The following ZP2 variants were observed in gnomAD, a reference collection of about 807,000 sequenced individuals.
ZP2 encodes zona pellucida glycoprotein 2, also known as zona pellucida sperm-binding protein 2.
A neutral mutation model predicts 84.0 loss-of-function variants in ZP2; 51 were observed. The ratio of observed to expected loss-of-function variants is 0.61; its 90% CI spans 0.49 to 0.77. The LOEUF is 0.77. Ranked by LOEUF, ZP2 falls within the 30% of genes least tolerant of loss-of-function variation. The pLI is 0.00. For missense variants in ZP2, 909 were observed against 911.9 expected, an observed-to-expected ratio of 1.00 and a Z score of 0.04; for synonymous variants, 375 against 330.9, an observed-to-expected ratio of 1.13 and a Z score of -1.45.
chr16:21,203,367 G>T, intron 9 of ZP2, 116 bp from the exon 10 acceptor site: 1 of 1,403,238 alleles, frequency 7.1e-7, no homozygotes, highest in Non-Finnish European at 9.7e-7. Flanking sequence ...ACTTATCTGG[G>T]CTCCCTTTAA....
chr16:21,201,580 G>A, intron 13 of ZP2, 22 bp from the exon 14 acceptor site: 5 of 1,601,786 alleles, frequency 3.1e-6, no homozygotes, highest in Non-Finnish European at 4.3e-6. Flanking sequence ...TGGTATTCAA[G>A]TAGTTAATGG....
chr16:21,207,010 T>C lies in ZP2; in HGVS notation c.331-20A>G. The C allele has an allele frequency of 6.2e-7, 1 of 1,613,922 alleles. No individual in the cohort carries two copies. The highest frequency in any genetic ancestry group is 8.5e-7 in the Non-Finnish European group (1 of 1,179,946). On this transcript the variant is annotated intron_variant, in intron 4 of 18. Coordinates refer to ENST00000574091, the MANE Select transcript of ZP2 (RefSeq NM_001376232.1). The stretch of plus-strand genomic sequence containing the variant: ...ACCATGCTGTGTACAGATAGCACAG[T>C]GGGAACAGAGTAAGTACTGTACCCC...
At chr16:21,201,218 C>T in intron 14 of ZP2, 151 bp downstream of exon 14, 1 of 516,680 alleles carries the variant, frequency 1.9e-6, no homozygotes, top group South Asian at 7.0e-5. Flanking sequence ...AAAAAAAAAA[C>T]AGAAGGCAGA....
At chr16:21,204,898 C>G (rs2093242623) in intron 7 of ZP2, among the ~76,000 whole-genome samples, 1 of 152,218 alleles carries the variant, frequency 6.6e-6, no homozygotes, top group South Asian at 2.1e-4. Context: ...CAAACAGAAC[C>G]CCTTAACCCA....
chr16:21,210,877 A>AAT (rs756734410), intron 2 of ZP2, among the ~76,000 whole-genome samples: 22,108 of 133,570 alleles, frequency 0.17, 1,746 homozygotes, highest in African/African-American at 0.22. Flanking sequence ...GCCTGGCTGC[A>AAT]TTTTTTTTTT....
Position 21,209,677 on chromosome 16 carries a change from T to C in ZP2, c.284A>G (p.Glu95Gly). The change falls in exon 4 of 19, where the codon GAA becomes GGA. Residue 95 changes from glutamate to glycine, a missense_variant. Transcript: ENST00000574091. ...MPNCTYILDP[E>G]KLTLRATYDN... ...ATAGGTAGCCCTCAGGGTGAGCTTT[T>C]CTGGGTCCAGGATGTAAGTGCAGTT... The C allele has an allele frequency of 6.2e-7, 1 of 1,614,176 alleles. No homozygotes were observed.
intron 3 of ZP2, 72 bp downstream of exon 3, chr16:21,210,037 C>G (rs1420572185): frequency 1.4e-6 from 2 of 1,394,942 alleles, no homozygotes; most frequent in Non-Finnish European, 2.0e-6. Flanking sequence ...ACTCTGCTCC[C>G]CAAACAGGAT....
chr16:21,200,020 A>G, intron 14 of ZP2, 142 bp from the exon 15 acceptor site: 1 of 995,980 alleles, frequency 1.0e-6, no homozygotes, highest in Non-Finnish European at 1.5e-6. Flanking sequence ...TTTACTCAGC[A>G]TTTCTTACCT....
intron 5 of ZP2, chr16:21,206,010 T>TC (rs1398148632): frequency 1.5e-5 from 8 of 547,954 alleles, no homozygotes; most frequent in East Asian, 6.4e-5. Flanking sequence ...GACACATTTC[T>TC]CCCCCCAAGA....
At chr16:21,198,178 T>G (rs563252278) in intron 17 of ZP2, among the ~76,000 whole-genome samples, 8 of 151,478 alleles carry the variant, frequency 5.3e-5, no homozygotes, top group African/African-American at 1.9e-4. Flanking sequence ...GCGGATCACT[T>G]GAGGTCAGGA....
Position 21,200,518 on chromosome 16 carries a change from T to C in ZP2, c.1695-640A>G, listed in dbSNP as rs1006665335. Among the ~76,000 whole-genome samples the C allele has an allele frequency of 3.9e-5, 6 of 152,326 alleles. No homozygotes were observed. In the Middle Eastern group the frequency reaches 0.017, roughly 432 times the overall value. Reference sequence around the variant, plus strand: ...GGTGCAGTTTTAGCCAAGTACACACTATTCCATAAGAATGGGTGAGATCCA... The same window carrying C: ...GGTGCAGTTTTAGCCAAGTACACACCATTCCATAAGAATGGGTGAGATCCA... On this transcript the variant is annotated intron_variant, in intron 14 of 18. Transcript: ENST00000574091.
intron 10 of ZP2, among the ~76,000 whole-genome samples, chr16:21,202,696 G>T (rs1001524201): frequency 3.3e-5 from 5 of 152,146 alleles, no homozygotes; most frequent in Admixed American, 2.6e-4. Context: ...GGCAGGAGCT[G>T]GTTTTCCTAT....
intron 4 of ZP2, among the ~76,000 whole-genome samples, chr16:21,207,446 G>A (rs1355627242): frequency 1.3e-5 from 2 of 152,066 alleles, no homozygotes; most frequent in Non-Finnish European, 2.9e-5. Flanking sequence ...AGACTCATGT[G>A]AGCCACATGA....
Position 21,199,472 on chromosome 16 carries a change from T to C in ZP2, c.1927+98A>G, listed in dbSNP as rs2093215011. On this transcript the variant is annotated intron_variant, in intron 16 of 18. Coordinates refer to ENST00000574091, the MANE Select transcript of ZP2 (RefSeq NM_001376232.1). ...GCCAACAAGAGCTCTGGGCAGTAAA[T>C]AAAGTATGAGTTATACCAGTCCTTA... 1.5e-5 allele frequency: 17 copies of C among 1,109,544 alleles called. No homozygotes were observed. In the South Asian group the frequency reaches 2.7e-4, roughly 18 times the overall value. 68.7% of individuals were successfully genotyped at this position (1,109,544 alleles called of 1,614,324 possible).
At chr16:21,209,179 C>T (rs1015200394) in intron 4 of ZP2, among the ~76,000 whole-genome samples, 3 of 152,252 alleles carry the variant, frequency 2.0e-5, no homozygotes, top group South Asian at 2.1e-4. Flanking sequence ...TTCCCCCCAC[C>T]CTCCTCCAGA....
intron 4 of ZP2, among the ~76,000 whole-genome samples, chr16:21,209,348 T>C (rs1015174022): frequency 2.0e-5 from 3 of 152,158 alleles, no homozygotes; most frequent in South Asian, 2.1e-4. Flanking sequence ...TTTGTATTTT[T>C]AGTAGGGATG....
upstream of ZP2, chr16:21,211,712 C>T: frequency 6.6e-7 from 1 of 1,516,602 alleles, no homozygotes; most frequent in Non-Finnish European, 8.8e-7. Context: ...GCCTCTGATT[C>T]CTGACAGCTT....
In ZP2 at chr16:21,203,261, GA is replaced by G; in HGVS notation, c.973-11del. ...GGCATTTTTCAGATAACTGAAATGA[GA>G]AAATGTCAATTAGCAGCCACAGTCC... On this transcript the variant is annotated splice_polypyrimidine_tract_variant and intron_variant, in intron 9 of 18. Transcript: ENST00000574091. 1 of 1,612,956 alleles carries G rather than the reference GA, an allele frequency of 6.2e-7. No individual in the cohort carries two copies.
At position 21,202,272 on chromosome 16, in the gene ZP2, G is replaced by A; in HGVS notation, c.1119C>T (p.Thr373=). 6.6e-7 allele frequency: 1 copy of A among 1,526,246 alleles called. No individual in the cohort carries two copies. The highest frequency in any genetic ancestry group is 8.8e-7 in the Non-Finnish European group (1 of 1,141,154). The allele number at this position is 1,526,246 out of a possible 1,614,324, so 94.5% of individuals were successfully genotyped here. ...PVSIVTGELC[T]QDGFMDVEVY... is the part of the protein sequence containing the mutation. ...CCTCGACGTCCATAAACCCATCCTG[G>A]GTGCACAGCTCCCCTGTAACTAGAC... The change falls in exon 11 of 19, where the codon ACC becomes ACT. Residue 373 remains threonine (T), a synonymous_variant. Transcript: ENST00000574091.
Sources: allele counts gnomAD v4.1 joint callset (sites outside exome capture counted in the v4.1 genomes callset), GRCh38; gene constraint gnomAD v4.1.1; transcripts MANE v1.5; gene names NCBI Gene and HGNC (gene_info 2026-07-23, HGNC 2026-07-21).